Variants in CFAP299 observed in about 807,000 individuals in gnomAD.
The protein encoded by CFAP299 is cilia and flagella associated protein 299, also known as cilia- and flagella-associated protein 299.
Under a neutral mutation model 27.0 loss-of-function variants are expected in CFAP299, and 21 were observed. That is an observed-to-expected ratio of 0.78 (90% CI 0.55 to 1.12). The LOEUF is 1.12. CFAP299 is among the 50% of genes most tolerant of loss of function. CFAP299 has a pLI of 0.00. For missense variants in CFAP299, 310 were observed against 276.6 expected, an observed-to-expected ratio of 1.12 and a Z score of -0.86; for synonymous variants, 104 against 98.1, an observed-to-expected ratio of 1.06 and a Z score of -0.36.
intron 3 of CFAP299, among the ~76,000 whole-genome samples, chr4:80,678,282 C>T (rs973608417): frequency 3.9e-5 from 6 of 151,948 alleles, no homozygotes; most frequent in Admixed American, 6.6e-5. Flanking sequence ...AAGAAATACC[C>T]GTTTAAATTT....
chr4:80,855,769 G>A (rs1163407715), intron 3 of CFAP299, among the ~76,000 whole-genome samples: 1 of 152,154 alleles, frequency 6.6e-6, no homozygotes, highest in Non-Finnish European at 1.5e-5. Context: ...GTATTCCACG[G>A]TGTATATGTG....
At chr4:80,477,993 A>G (rs1252619682) in intron 2 of CFAP299, among the ~76,000 whole-genome samples, 2 of 152,128 alleles carry the variant, frequency 1.3e-5, no homozygotes, top group Non-Finnish European at 2.9e-5. Context: ...TGATTCTGCA[A>G]TCCTATTTCA....
At chr4:80,390,342 T>G (rs935725677) in intron 2 of CFAP299, among the ~76,000 whole-genome samples, 2 of 151,878 alleles carry the variant, frequency 1.3e-5, no homozygotes, top group Non-Finnish European at 2.9e-5. Flanking sequence ...ACTTTTTATA[T>G]TCCACATATA....
intron 4 of CFAP299, among the ~76,000 whole-genome samples, chr4:80,906,747 A>G (rs551531747): frequency 1.3e-5 from 2 of 152,048 alleles, no homozygotes; most frequent in Admixed American, 6.6e-5. Context: ...CTGGAACTGA[A>G]TCAGCTGGGA....
intron 3 of CFAP299, among the ~76,000 whole-genome samples, chr4:80,869,763 C>T (rs1183574523): frequency 1.3e-5 from 2 of 152,208 alleles, no homozygotes; most frequent in East Asian, 3.9e-4. Flanking sequence ...CTGCCCGCTT[C>T]GGCCTCCCAA....
rs907760490 is a variant in CFAP299 at position 80,615,253 on chromosome 4, T to G, written c.333+32070T>G. Among the ~76,000 whole-genome samples the G allele has an allele frequency of 2.0e-5, 3 of 152,120 alleles. No homozygotes were observed. In the East Asian group the frequency reaches 5.8e-4, roughly 29 times the overall value. On this transcript the variant is annotated intron_variant, in intron 3 of 5. Coordinates refer to ENST00000358105, the MANE Select transcript of CFAP299 (RefSeq NM_152770.3). ...CTTAGGGAACTGCAAACAATCAGAG[T>G]GCAGAATTTAGAAATCGCCGGCTAT...
intron 3 of CFAP299, among the ~76,000 whole-genome samples, chr4:80,588,714 A>G (rs926878583): frequency 6.9e-6 from 1 of 144,026 alleles, no homozygotes; most frequent in Non-Finnish European, 1.5e-5. Flanking sequence ...GAATCAAGAC[A>G]GCCAATTATA....
intron 3 of CFAP299, among the ~76,000 whole-genome samples, chr4:80,839,030 C>T (rs907277108): frequency 1.3e-5 from 2 of 152,106 alleles, no homozygotes; most frequent in South Asian, 2.1e-4. Flanking sequence ...TTTAGTTTAT[C>T]GTTCTTTTAG....
chr4:80,962,851 T>G (rs1321488027), intron 5 of CFAP299, among the ~76,000 whole-genome samples: 1 of 152,026 alleles, frequency 6.6e-6, no homozygotes, highest in Non-Finnish European at 1.5e-5. Flanking sequence ...ATCATTTTTT[T>G]TCTCCTCTGA....
At chr4:80,956,256 T>A (rs1194389074) in intron 5 of CFAP299, among the ~76,000 whole-genome samples, 1 of 152,182 alleles carries the variant, frequency 6.6e-6, no homozygotes, top group African/African-American at 2.4e-5. Context: ...CCATGTCAAT[T>A]TACAATTATA....
chr4:80,449,158 G>A lies in CFAP299; in HGVS notation c.242+86274G>A, dbSNP rs539538628. On this transcript the variant is annotated intron_variant, in intron 2 of 5. Coordinates refer to ENST00000358105, the MANE Select transcript of CFAP299 (RefSeq NM_152770.3). ...TATTTCGTTTTGATTTTTAGGCAAA[G>A]TTTCAATAATGGCATGGAGAGTTTT... Among the ~76,000 whole-genome samples the A allele has an allele frequency of 4.6e-5, 7 of 152,214 alleles. No homozygotes were observed. In the South Asian group the frequency reaches 1.2e-3, roughly 27 times the overall value.
At chr4:80,711,379 A>G (rs1204013200) in intron 3 of CFAP299, among the ~76,000 whole-genome samples, 1 of 152,160 alleles carries the variant, frequency 6.6e-6, no homozygotes, top group Non-Finnish European at 1.5e-5. Context: ...GAGCTAGTGT[A>G]AGTAAGCTGC....
At chr4:80,777,509 G>A (rs1726620602) in intron 3 of CFAP299, among the ~76,000 whole-genome samples, 1 of 152,106 alleles carries the variant, frequency 6.6e-6, no homozygotes, top group African/African-American at 2.4e-5. Context: ...CTGGCATACA[G>A]AGAAATATAA....
chr4:80,620,134 G>T (rs1253877115), intron 3 of CFAP299, among the ~76,000 whole-genome samples: 1 of 152,134 alleles, frequency 6.6e-6, no homozygotes, highest in Non-Finnish European at 1.5e-5. Context: ...TATGGAAAGT[G>T]ATGTGAAAAT....
intron 3 of CFAP299, among the ~76,000 whole-genome samples, chr4:80,804,421 A>G (rs1431202304): frequency 6.6e-6 from 1 of 152,064 alleles, no homozygotes; most frequent in Non-Finnish European, 1.5e-5. Flanking sequence ...TGATATCCTC[A>G]AGGTGCATTA....
chr4:80,616,988 A>G (rs149915809), intron 3 of CFAP299, among the ~76,000 whole-genome samples: 180 of 152,280 alleles, frequency 1.2e-3, no homozygotes, highest in African/African-American at 3.9e-3. Flanking sequence ...ATCTATCTCT[A>G]TACAACTAAA....
At chr4:80,467,106 T>A (rs1025179184) in intron 2 of CFAP299, among the ~76,000 whole-genome samples, 2 of 152,246 alleles carry the variant, frequency 1.3e-5, no homozygotes, top group Admixed American at 1.3e-4. Context: ...AAGGTGGGTT[T>A]GGAGCAGTAG....
intron 3 of CFAP299, among the ~76,000 whole-genome samples, chr4:80,585,081 A>C (rs954728455): frequency 2.0e-5 from 3 of 152,132 alleles, no homozygotes; most frequent in African/African-American, 7.2e-5. Flanking sequence ...TATAGAAAGG[A>C]TAAAGCGGAT....
chr4:80,596,916 T>C (rs1737088480), intron 3 of CFAP299, among the ~76,000 whole-genome samples: 1 of 152,208 alleles, frequency 6.6e-6, no homozygotes, highest in Non-Finnish European at 1.5e-5. Context: ...TTGTGGTATA[T>C]ACTATTTTAT....
Sources: allele counts gnomAD v4.1 joint callset (sites outside exome capture counted in the v4.1 genomes callset), GRCh38; gene constraint gnomAD v4.1.1; transcripts MANE v1.5; gene names NCBI Gene and HGNC (gene_info 2026-07-23, HGNC 2026-07-21).